Variants in CYP2S1 observed in about 807,000 individuals in gnomAD.
CYP2S1 encodes the protein cytochrome P450 family 2 subfamily S member 1.
Under a neutral mutation model 43.5 loss-of-function variants are expected in CYP2S1, and 32 were observed. The observed-to-expected ratio is 0.74, with a 90% CI of 0.56 to 0.99. The LOEUF is 0.99. CYP2S1 is among the 50% of genes least tolerant of loss of function. CYP2S1 has a pLI of 0.00. For synonymous variants in CYP2S1, 283 were observed against 302.9 expected, an observed-to-expected ratio of 0.93 and a Z score of 0.68; for missense variants, 575 against 673.9, an observed-to-expected ratio of 0.85 and a Z score of 1.62.
At position 41,207,018 on chromosome 19, in the gene CYP2S1, CTCCCA is replaced by C; in HGVS notation, c.*531_*535del. ...TGCTCCCTCTCTTGGCTACACCACT[CTCCCA>C]GCCTGTGACCACCGATGTCCACACA... On this transcript the variant is annotated 3_prime_UTR_variant, in exon 9 of 9. Coordinates refer to ENST00000310054, the MANE Select transcript of CYP2S1 (RefSeq NM_030622.8). The C allele has an allele frequency of 6.6e-6, 2 of 304,640 alleles. No individual in the cohort carries two copies. The highest frequency in any genetic ancestry group is 2.7e-5 in the South Asian group (1 of 36,376). 18.9% of individuals were successfully genotyped at this position (304,640 alleles called of 1,614,324 possible).
chr19:41,199,099 GC>G (rs918268083), intron 5 of CYP2S1, among the ~76,000 whole-genome samples: 2 of 151,842 alleles, frequency 1.3e-5, no homozygotes, highest in Non-Finnish European at 2.9e-5. Flanking sequence ...TGCCTCTCCC[GC>G]CCCCGACCTG....
chr19:41,193,691 CTACAGAAT>C, intron 1 of CYP2S1: 1 of 632,574 alleles, frequency 1.6e-6, no homozygotes, highest in Non-Finnish European at 2.2e-6. Context: ...AGACCTCTGC[CTACAGAAT>C]CCTGGGAAGG....
At chr19:41,195,416 C>G (rs2033398909) in intron 2 of CYP2S1, among the ~76,000 whole-genome samples, 1 of 152,228 alleles carries the variant, frequency 6.6e-6, no homozygotes, top group South Asian at 2.1e-4. Context: ...GTGCTGCTTC[C>G]CCAGCGCACC....
At chr19:41,203,808 C>T (rs960998787) in intron 7 of CYP2S1, among the ~76,000 whole-genome samples, 171 bp downstream of exon 7, 1 of 151,576 alleles carries the variant, frequency 6.6e-6, no homozygotes, top group South Asian at 2.1e-4. Context: ...CCACTCCTAC[C>T]CCCCTGCATC....
At position 41,198,409 on chromosome 19, in the gene CYP2S1, TC is replaced by T; in HGVS notation, c.494-49del. The T allele has an allele frequency of 5.0e-6, 8 of 1,600,184 alleles. No homozygotes were observed. Among genetic ancestry groups the T allele is most frequent in the Non-Finnish European group, 6.8e-6 (8 of 1,173,692 alleles). Reference sequence around the variant, plus strand: ...CTGGTTGGGTTCAGCTCCAACCTGCTCCCCTCTGCCTGGCTCCATCACAGCC... The same window carrying T: ...CTGGTTGGGTTCAGCTCCAACCTGCTCCCTCTGCCTGGCTCCATCACAGCC... On this transcript the variant is annotated intron_variant, in intron 3 of 8. Coordinates refer to ENST00000310054, the MANE Select transcript of CYP2S1 (RefSeq NM_030622.8). This position sits in a 1 kb window ranked among gnomAD's most constrained non-coding sequence, Gnocchi z 4.9.
rs761863404 is a variant in CYP2S1 at position 41,203,509 on chromosome 19, G to T, written c.1036G>T (p.Asp346Tyr). The change falls in exon 7 of 9, where the codon GAC (aspartate) becomes TAC (tyrosine). Residue 346 changes from aspartate (D) to tyrosine (Y), a missense_variant. Physicochemically the swap from Asp to Tyr is radical, Grantham distance 160 (BLOSUM62 -3). Transcript: ENST00000310054. ...LGAGQAPSLG[D>Y]RTRLPYTDAV... ...GGCTGGCCAGGCACCAAGCCTAGGGGACCGTACCCGCCTCCCTTACACCGA... is the reference window on the plus strand; with the variant it reads ...GGCTGGCCAGGCACCAAGCCTAGGGTACCGTACCCGCCTCCCTTACACCGA... 1.2e-6 allele frequency: 2 copies of T among 1,602,648 alleles called. No individual in the cohort carries two copies. The highest frequency in any genetic ancestry group is 3.4e-5 in the Admixed American group (2 of 58,930).
chr19:41,203,591 G>A lies in CYP2S1; in HGVS notation c.1118G>A (p.Arg373His), dbSNP rs751758959. Reference protein sequence around the residue: ...LLALVPMGIPRTLMRTTRFRG... With the variant: ...LLALVPMGIPHTLMRTTRFRG... ...GCGCTGGTGCCCATGGGAATACCCC[G>A]CACCCTCATGCGGACCACCCGCTTC... Residue 373 changes from arginine (R) to histidine (H), a missense_variant, in exon 7 of 9, where the codon CGC becomes CAC. By Grantham distance (29) the Arg-to-His change is conservative. Coordinates refer to ENST00000310054, the MANE Select transcript of CYP2S1 (RefSeq NM_030622.8). 29 of 1,556,420 alleles carry A rather than the reference G, an allele frequency of 1.9e-5. No individual in the cohort carries two copies. Among genetic ancestry groups the A allele is most frequent in the South Asian group, 8.3e-5 (7 of 84,460 alleles).
In CYP2S1 at chr19:41,206,542, A is replaced by C. The variant is rs375475224; in HGVS notation, c.*54A>C. 3.4e-4 allele frequency: 548 copies of C among 1,598,274 alleles called. 2 individuals are homozygous for C. In the African/African-American group the frequency reaches 6.9e-3, roughly 20 times the overall value. ...CCAGGACGGTGCCTCCAGCCTCAAC[A>C]GTGGGCATGGACAGGGTTAATGTCT... On this transcript the variant is annotated 3_prime_UTR_variant, in exon 9 of 9. Coordinates refer to ENST00000310054, the MANE Select transcript of CYP2S1 (RefSeq NM_030622.8).
rs746893002 is a variant in CYP2S1, at chr19:41,198,875, T to C, written c.821T>C (p.Leu274Pro). The change falls in exon 5 of 9, where the codon CTG becomes CCG. Residue 274 changes from leucine (L) to proline (P), a missense_variant. Leu to Pro is a moderately conservative substitution (Grantham distance 98). This residue lies in a region of CYP2S1 where 353 missense variants were observed against 367.6 expected (regional missense o/e 0.96). Coordinates refer to ENST00000310054, the MANE Select transcript of CYP2S1 (RefSeq NM_030622.8). This position sits in a 1 kb window ranked among gnomAD's most constrained non-coding sequence, Gnocchi z 4.9. ...CGTGACCTTGTCGATGCCTTCCTGC[T>C]GAAGATGGCACAGGTGTGGGAAGGG... Reference protein sequence around the residue: ...PARDLVDAFLLKMAQEEQNPG... With the variant: ...PARDLVDAFLPKMAQEEQNPG... 3 of 1,612,566 alleles carry C rather than the reference T, an allele frequency of 1.9e-6. No individual in the cohort carries two copies. The African/African-American group carries it at 4.0e-5, about 22-fold the overall frequency.
At chr19:41,203,356 A>G (rs2033515689) in intron 6 of CYP2S1, 94 bp from the exon 7 acceptor site, 4 of 1,377,630 alleles carry the variant, frequency 2.9e-6, no homozygotes, top group African/African-American at 1.5e-5. Flanking sequence ...TGTCAGCCTC[A>G]CCCCAAACTA....
intron 2 of CYP2S1, among the ~76,000 whole-genome samples, chr19:41,197,279 G>A (rs2033424435): frequency 6.6e-6 from 1 of 152,118 alleles, no homozygotes; most frequent in East Asian, 1.9e-4. Context: ...CTTACCCAAG[G>A]GCAAAGGATG....
chr19:41,199,031 A>C (rs2033454511), intron 5 of CYP2S1, 143 bp downstream of exon 5: 3 of 1,063,218 alleles, frequency 2.8e-6, no homozygotes, highest in South Asian at 1.7e-5. Flanking sequence ...GTCTCTGTGC[A>C]TGTGTGTGCA....
chr19:41,205,115 T>C (rs2033545973), intron 7 of CYP2S1, among the ~76,000 whole-genome samples: 3 of 152,220 alleles, frequency 2.0e-5, no homozygotes, highest in Admixed American at 2.0e-4. Context: ...CTTGAGGACC[T>C]GCTCTGCACC....
chr19:41,205,815 C>G (rs1332105792), intron 7 of CYP2S1, 143 bp from the exon 8 acceptor site: 1 of 1,085,752 alleles, frequency 9.2e-7, no homozygotes, highest in East Asian at 2.6e-5. Context: ...AGCCACTGCA[C>G]GCCACTCAAC....
At position 41,198,342 on chromosome 19, in the gene CYP2S1, C is replaced by T; in HGVS notation, c.494-120C>T. On this transcript the variant is annotated intron_variant, in intron 3 of 8. Coordinates refer to ENST00000310054, the MANE Select transcript of CYP2S1 (RefSeq NM_030622.8). The surrounding 1 kb of genome is among the most constrained non-coding windows in gnomAD (Gnocchi z 4.9). ...CCTTCTTTGCCTGTTTAGCTCTCTC[C>T]CTGCGCTGTCCATCCATCTTTCCCT... 7.6e-7 allele frequency: 1 copy of T among 1,318,308 alleles called. No homozygotes were observed. The highest frequency in any genetic ancestry group is 1.1e-6 in the Non-Finnish European group (1 of 947,588). The allele number at this position is 1,318,308 out of a possible 1,614,324, so 81.7% of individuals were successfully genotyped here. A position where few individuals can be genotyped will look rare whatever the true frequency, so the allele number is the denominator to read the frequency against.
chr19:41,201,200 T>C, intron 5 of CYP2S1, 31 bp from the exon 6 acceptor site: 1 of 1,610,316 alleles, frequency 6.2e-7, no homozygotes, highest in East Asian at 2.2e-5. Context: ...AAGGCTGTGT[T>C]CTCTCAGCCC....
In CYP2S1 at chr19:41,198,478, C is replaced by T; in HGVS notation, c.510C>T (p.Pro170=). 6.2e-7 allele frequency: 1 copy of T among 1,614,142 alleles called. No individual in the cohort carries two copies. The highest frequency in any genetic ancestry group is 8.5e-7 in the Non-Finnish European group (1 of 1,180,018). ...TCCCCCCAGGACGCCCATTCGATCC[C>T]TCCCTGCTGCTGGCCCAGGCCACCT... ...FQGTEGRPFD[P]SLLLAQATSN... The change falls in exon 4 of 9, where the codon CCC becomes CCT. Residue 170 remains proline, a synonymous_variant. Coordinates refer to ENST00000310054, the MANE Select transcript of CYP2S1 (RefSeq NM_030622.8). The surrounding 1 kb of genome is among the most constrained non-coding windows in gnomAD (Gnocchi z 4.9).
Position 41,206,594 on chromosome 19 carries a change from AT to A in CYP2S1, c.*109del. 7.3e-7 allele frequency: 1 copy of A among 1,365,566 alleles called. No individual in the cohort carries two copies. Among genetic ancestry groups the A allele is most frequent in the Non-Finnish European group, 1.0e-6 (1 of 960,434 alleles). 84.6% of individuals were successfully genotyped at this position (1,365,566 alleles called of 1,614,324 possible). A position where few individuals can be genotyped will look rare whatever the true frequency, so the allele number is the denominator to read the frequency against. On this transcript the variant is annotated 3_prime_UTR_variant, in exon 9 of 9. Transcript: ENST00000310054. ...CAGAGTGTACACTGCAGGCAGCCAC[AT>A]TTACACGCCTGCAGTTGTTTTCCGG...
chr19:41,201,788 C>T (rs2033493031), intron 6 of CYP2S1, among the ~76,000 whole-genome samples: 1 of 151,622 alleles, frequency 6.6e-6, no homozygotes, highest in African/African-American at 2.4e-5. Flanking sequence ...CATCGATGGG[C>T]ATGGCGTTTG....
Sources: gnomAD v4.1 joint callset for allele counts (sites outside exome capture counted in the v4.1 genomes callset) on GRCh38, gnomAD v4.1.1 for gene constraint, gnomAD v4.1.1 regional missense constraint, Gnocchi (gnomAD v3.1) non-coding constraint, MANE v1.5 for transcripts, NCBI Gene and HGNC (gene_info 2026-07-23, HGNC 2026-07-21) for gene names.